PNMA2: variants seen among roughly 807,000 people sequenced by gnomAD.
The protein encoded by PNMA2 is PNMA family member 2.
For missense variants in PNMA2, 455 were observed against 452.9 expected (o/e 1.00, Z -0.04); for synonymous variants, 175 against 183.5 (o/e 0.95, Z 0.38).
Position 26,506,608 on chromosome 8 carries a change from CAAT to C in PNMA2, c.*1050_*1052del, listed in dbSNP as rs769647857. 83 of 152,394 alleles carry C rather than the reference CAAT, an allele frequency of 5.4e-4. No homozygotes were observed. The highest frequency in any genetic ancestry group is 1.0e-3 in the Non-Finnish European group (69 of 68,190). The allele number at this position is 152,394 out of a possible 1,614,324, so 9.4% of individuals were successfully genotyped here. On this transcript the variant is annotated 3_prime_UTR_variant, in exon 3 of 3. Coordinates refer to ENST00000522362, the MANE Select transcript of PNMA2 (RefSeq NM_007257.6). This position sits in a 1 kb window ranked among gnomAD's most constrained non-coding sequence, Gnocchi z 4.4. Reference sequence around the variant, plus strand: ...ACTTCCCAGGTTAAAACAACAACAACAATGACAACAACAACAACAAAAATCTGC... The same window carrying C: ...ACTTCCCAGGTTAAAACAACAACAACGACAACAACAACAACAAAAATCTGC...
In PNMA2 at chr8:26,509,644, G is replaced by C. The variant is rs185697518; in HGVS notation, c.-585C>G. On this transcript the variant is annotated 5_prime_UTR_variant, in exon 2 of 3. Coordinates refer to ENST00000522362, the MANE Select transcript of PNMA2 (RefSeq NM_007257.6). The surrounding 1 kb of genome is among the most constrained non-coding windows in gnomAD (Gnocchi z 5.7). ...ATCACCCACCTCCACACAGTGGTGTGTCTGGCTCTTAGCTCCAGCCAAGCC... is the reference window on the plus strand; with the variant it reads ...ATCACCCACCTCCACACAGTGGTGTCTCTGGCTCTTAGCTCCAGCCAAGCC... The C allele has an allele frequency of 1.3e-3, 201 of 152,308 alleles. 1 individual carries two copies. The highest frequency in any genetic ancestry group is 4.6e-3 in the African/African-American group (190 of 41,556). The allele number at this position is 152,308 out of a possible 1,614,324, so 9.4% of individuals were successfully genotyped here.
Position 26,507,260 on chromosome 8 carries a change from C to G in PNMA2, c.*401G>C, listed in dbSNP as rs1331844029. Reference sequence around the variant, plus strand: ...CCTGAGCAACACAGCAAAACCCTGTCTCTACCAAAAATACAAAAGAATAGC... The same window carrying G: ...CCTGAGCAACACAGCAAAACCCTGTGTCTACCAAAAATACAAAAGAATAGC... On this transcript the variant is annotated 3_prime_UTR_variant, in exon 3 of 3. Transcript: ENST00000522362. 1 of 156,090 alleles carries G rather than the reference C, an allele frequency of 6.4e-6. No homozygotes were observed. Among genetic ancestry groups the G allele is most frequent in the African/African-American group, 2.4e-5 (1 of 41,572 alleles). The allele number at this position is 156,090 out of a possible 1,614,324, so 9.7% of individuals were successfully genotyped here.
rs765403549 is a variant in PNMA2, at chr8:26,507,749, T to A, written c.1007A>T (p.Glu336Val). ...CTCATTCTCAAAGGAGGCCTCTTCCTCCTCTTCTTCCCGTATTACCTTCAT... is the reference window on the plus strand; with the variant it reads ...CTCATTCTCAAAGGAGGCCTCTTCCACCTCTTCTTCCCGTATTACCTTCAT... ...ELMKVIREEEEEEASFENESI... is the reference protein window; with the variant it reads ...ELMKVIREEEVEEASFENESI... The change falls in exon 3 of 3, where the codon GAG (glutamate) becomes GTG (valine). Residue 336 changes from glutamate to valine, a missense_variant. Coordinates refer to ENST00000522362, the MANE Select transcript of PNMA2 (RefSeq NM_007257.6). The A allele has an allele frequency of 6.2e-7, 1 of 1,612,866 alleles. No homozygotes were observed.
At chr8:26,510,173 G>C (rs1808124404) in intron 1 of PNMA2, among the ~76,000 whole-genome samples, 1 of 152,088 alleles carries the variant, frequency 6.6e-6, no homozygotes, top group Non-Finnish European at 1.5e-5. Context: ...CTCGAGATCT[G>C]ATTGTTAAAA....
Position 26,509,010 on chromosome 8 carries a change from T to C in PNMA2, c.-255A>G. ...AGGTGGGCAGGTCGTATCTCAGTTC[T>C]AACCACACCTGTGCCCGCAGCTCTG... On this transcript the variant is annotated 5_prime_UTR_variant, in exon 3 of 3. Transcript: ENST00000522362. This position sits in a 1 kb window ranked among gnomAD's most constrained non-coding sequence, Gnocchi z 5.7. 1 of 846,444 alleles carries C rather than the reference T, an allele frequency of 1.2e-6. No individual in the cohort carries two copies. Among genetic ancestry groups the C allele is most frequent in the Non-Finnish European group, 1.6e-6 (1 of 618,118 alleles). 52.4% of individuals were successfully genotyped at this position (846,444 alleles called of 1,614,324 possible).
rs1808034519 is a variant in PNMA2, at chr8:26,505,648, T to C, written c.*2013A>G. The C allele has an allele frequency of 6.6e-6, 1 of 152,266 alleles. No homozygotes were observed. The allele number at this position is 152,266 out of a possible 1,614,324, so 9.4% of individuals were successfully genotyped here. On this transcript the variant is annotated 3_prime_UTR_variant, in exon 3 of 3. Coordinates refer to ENST00000522362, the MANE Select transcript of PNMA2 (RefSeq NM_007257.6). ...AACCTGGTGGTGAATGCTGATGTGT[T>C]AAAATTTGGTTATCAGCCCATTTGA...
Position 26,508,056 on chromosome 8 carries a change from A to G in PNMA2, c.700T>C (p.Leu234=), listed in dbSNP as rs144558265. 23 of 1,614,058 alleles carry G rather than the reference A, an allele frequency of 1.4e-5. No individual in the cohort carries two copies. Among genetic ancestry groups the G allele is most frequent in the Non-Finnish European group, 1.7e-5 (20 of 1,180,032 alleles). ...DNPSISVEEC[L]EAFKQVFGSL... ...CCAAACACTTGCTTAAAGGCCTCCA[A>G]ACACTCTTCTACACTGATGGACGGG... The change falls in exon 3 of 3, where the codon TTG becomes CTG. Residue 234 remains leucine (L), a synonymous_variant. Transcript: ENST00000522362. The surrounding 1 kb of genome is among the most constrained non-coding windows in gnomAD (Gnocchi z 5.5).
intron 1 of PNMA2, chr8:26,513,155 A>G (rs1808198205): frequency 6.9e-6 from 1 of 145,978 alleles, no homozygotes; most frequent in Non-Finnish European, 1.5e-5. Flanking sequence ...AGGAAGCAGA[A>G]TAAACCAAAT....
At chr8:26,512,275 A>C (rs1360104108) in intron 1 of PNMA2, among the ~76,000 whole-genome samples, 1 of 152,172 alleles carries the variant, frequency 6.6e-6, no homozygotes, top group African/African-American at 2.4e-5. Flanking sequence ...TTCAGTTGGA[A>C]GCGCTTTTTT....
Position 26,507,523 on chromosome 8 carries a change from G to A in PNMA2, c.*138C>T. 1.5e-6 allele frequency: 1 copy of A among 679,018 alleles called. No homozygotes were observed. The highest frequency in any genetic ancestry group is 2.5e-5 in the South Asian group (1 of 39,372). The allele number at this position is 679,018 out of a possible 1,614,324, so 42.1% of individuals were successfully genotyped here. ...GAGAGAGGAGGAGAGAAGGAGAGAA[G>A]GAGGAAGGGAGGGAAGGAAGGAAGG... On this transcript the variant is annotated 3_prime_UTR_variant, in exon 3 of 3. Coordinates refer to ENST00000522362, the MANE Select transcript of PNMA2 (RefSeq NM_007257.6).
At position 26,508,474 on chromosome 8, in the gene PNMA2, C is replaced by T; in HGVS notation, c.282G>A (p.Lys94=). 6.2e-7 allele frequency: 1 copy of T among 1,614,214 alleles called. No homozygotes were observed. The change falls in exon 3 of 3, where the codon AAG becomes AAA. Residue 94 remains lysine, a synonymous_variant. Transcript: ENST00000522362. The surrounding 1 kb of genome is among the most constrained non-coding windows in gnomAD (Gnocchi z 5.5). ...GKGGVWKVIF[K]TPNQDTEFLE... ...GAAACTCAGTGTCCTGATTAGGGGT[C>T]TTAAAGATCACCTTCCAGACACCCC... is the stretch of plus-strand genomic sequence containing the variant.
rs1563367561 is a variant in PNMA2, at chr8:26,507,474, G to A, written c.*187C>T. 1.2e-5 allele frequency: 6 copies of A among 489,800 alleles called. No homozygotes were observed. Among genetic ancestry groups the A allele is most frequent in the Non-Finnish European group, 2.1e-5 (6 of 286,588 alleles). 30.3% of individuals were successfully genotyped at this position (489,800 alleles called of 1,614,324 possible). The stretch of plus-strand genomic sequence containing the variant: ...AAGAGAAAAAGAAAAAAGGAAGGAA[G>A]GAAGGAAAGAGAGGAGAGGAGAGGA... On this transcript the variant is annotated 3_prime_UTR_variant, in exon 3 of 3. Coordinates refer to ENST00000522362, the MANE Select transcript of PNMA2 (RefSeq NM_007257.6).
Position 26,506,666 on chromosome 8 carries a change from T to C in PNMA2, c.*995A>G, listed in dbSNP as rs1433589280. On this transcript the variant is annotated 3_prime_UTR_variant, in exon 3 of 3. Transcript: ENST00000522362. The surrounding 1 kb of genome is among the most constrained non-coding windows in gnomAD (Gnocchi z 4.4). ...AGAGGTGGTCCTATTCACTGGGTGA[T>C]GACACTTTTACTGGGGTGATGAACT... The C allele has an allele frequency of 1.3e-5, 2 of 152,346 alleles. No individual in the cohort carries two copies. Among genetic ancestry groups the C allele is most frequent in the Admixed American group, 1.3e-4 (2 of 15,292 alleles). 9.4% of individuals were successfully genotyped at this position (152,346 alleles called of 1,614,324 possible). A position where few individuals can be genotyped will look rare whatever the true frequency, so the allele number is the denominator to read the frequency against.
Position 26,509,923 on chromosome 8 carries a change from T to G in PNMA2, c.-618-246A>C, listed in dbSNP as rs10113730. ...ACTAAGTTAAATCGGGAATTATGAA[T>G]TAATTCTCTTTTGTTGTGTCTGGAA... On this transcript the variant is annotated intron_variant, in intron 1 of 2. Transcript: ENST00000522362. This position sits in a 1 kb window ranked among gnomAD's most constrained non-coding sequence, Gnocchi z 5.7. Among the ~76,000 whole-genome samples the G allele has an allele frequency of 6.6e-6, 1 of 152,228 alleles. No homozygotes were observed. The highest frequency in any genetic ancestry group is 2.4e-5 in the African/African-American group (1 of 41,468).
rs769193036 is a variant in PNMA2, at chr8:26,508,543, T to C, written c.213A>G (p.Glu71=). 6.2e-7 allele frequency: 1 copy of C among 1,614,086 alleles called. No individual in the cohort carries two copies. Among genetic ancestry groups the C allele is most frequent in the Non-Finnish European group, 8.5e-7 (1 of 1,180,040 alleles). Residue 71 remains glutamate, a synonymous_variant, in exon 3 of 3, where the codon GAA becomes GAG. Transcript: ENST00000522362. The surrounding 1 kb of genome is among the most constrained non-coding windows in gnomAD (Gnocchi z 5.5). ...NANAVLLELL[E]DTDVSAIPSE... ...TGGGAATGGCCGAGACATCAGTATC[T>C]TCCAGAAGCTCTAGTAAGACAGCAT... is the stretch of plus-strand genomic sequence containing the variant.
At chr8:26,513,361 T>C in intron 1 of PNMA2, among the ~76,000 whole-genome samples, 1 of 151,034 alleles carries the variant, frequency 6.6e-6, no homozygotes, top group Non-Finnish European at 1.5e-5. Context: ...GCTACGCCCC[T>C]CTGAATTTCT....
rs554424252 is a variant in PNMA2, at chr8:26,506,882, G to C, written c.*779C>G. 1 of 152,130 alleles carries C rather than the reference G, an allele frequency of 6.6e-6. No individual in the cohort carries two copies. The highest frequency in any genetic ancestry group is 1.5e-5 in the Non-Finnish European group (1 of 68,018). The allele number at this position is 152,130 out of a possible 1,614,324, so 9.4% of individuals were successfully genotyped here. A position where few individuals can be genotyped will look rare whatever the true frequency, so the allele number is the denominator to read the frequency against. ...ACTCAGAGAGAATTTGCTGATTTGAGAAAGGAAAACACCTGACAAGTCAAA... is the reference window on the plus strand; with the variant it reads ...ACTCAGAGAGAATTTGCTGATTTGACAAAGGAAAACACCTGACAAGTCAAA... On this transcript the variant is annotated 3_prime_UTR_variant, in exon 3 of 3. Coordinates refer to ENST00000522362, the MANE Select transcript of PNMA2 (RefSeq NM_007257.6). The surrounding 1 kb of genome is among the most constrained non-coding windows in gnomAD (Gnocchi z 4.4).
intron 1 of PNMA2, among the ~76,000 whole-genome samples, chr8:26,513,404 C>T (rs1160200536): frequency 2.6e-5 from 4 of 151,924 alleles, no homozygotes; most frequent in Non-Finnish European, 5.9e-5. Context: ...CCCCCACTCC[C>T]CCGTCACCCC....
At position 26,506,336 on chromosome 8, in the gene PNMA2, C is replaced by T. The variant is rs1221793269; in HGVS notation, c.*1325G>A. On this transcript the variant is annotated 3_prime_UTR_variant, in exon 3 of 3. Transcript: ENST00000522362. The surrounding 1 kb of genome is among the most constrained non-coding windows in gnomAD (Gnocchi z 4.4). ...ATGTGAGTTCCTTTTCTCTCCTCTT[C>T]ATCCTTTGTTGCCACTAAAAGCCTT... 1.3e-5 allele frequency: 2 copies of T among 152,418 alleles called. No homozygotes were observed. Among genetic ancestry groups the T allele is most frequent in the East Asian group, 1.9e-4 (1 of 5,182 alleles). 9.4% of individuals were successfully genotyped at this position (152,418 alleles called of 1,614,324 possible).
Sources: allele counts gnomAD v4.1 joint callset (sites outside exome capture counted in the v4.1 genomes callset), GRCh38; gene constraint gnomAD v4.1.1; non-coding constraint Gnocchi (gnomAD v3.1); transcripts MANE v1.5; gene names NCBI Gene and HGNC (gene_info 2026-07-23, HGNC 2026-07-21).